The following IL13RA1 variants were observed in gnomAD, a reference collection of about 807,000 sequenced individuals.
IL13RA1 encodes interleukin 13 receptor subunit alpha 1.
In IL13RA1, 14 loss-of-function variants were observed where a neutral mutation model predicts 33.8. The observed-to-expected ratio is 0.41, with a 90% CI of 0.27 to 0.65. IL13RA1 has a LOEUF of 0.65. IL13RA1 is among the 30% of genes least tolerant of loss of function. The pLI, the probability that IL13RA1 is intolerant of heterozygous loss-of-function variation, is 0.28. For missense variants in IL13RA1, 313 were observed against 327.0 expected (o/e 0.96, Z 0.33); for synonymous variants, 116 against 115.7 (o/e 1.00, Z -0.02).
At chrX:118,803,750 A>G in the IL13RA1 span, among the ~76,000 whole-genome samples, 1 of 111,084 alleles carries the variant, frequency 9.0e-6, no homozygotes, top group African/African-American at 3.3e-5. Context: ...AGGAATGAAT[A>G]CAGCCCTGCT....
At chrX:118,770,371 C>A in intron 8 of IL13RA1, 1 of 372,862 alleles carries the variant, frequency 2.7e-6, no homozygotes. Context: ...CTGCATCACC[C>A]GGTAGACCAA....
rs189230023 is a variant in IL13RA1, at chrX:118,734,828, G to A, written c.89-6189G>A. On this transcript the variant is annotated intron_variant, in intron 1 of 10. Transcript: ENST00000371666. ...TTTGGTATCAGGTAATGCTGGCCTC[G>A]TAGAATGAGTTACGAAGTTTGAGAA... is the stretch of plus-strand genomic sequence containing the variant. 1.3e-3 allele frequency among the ~76,000 whole-genome samples: 142 copies of A among 111,627 alleles called. 1 individual carries two copies. Among genetic ancestry groups the A allele is most frequent in the Admixed American group, 0.011 (116 of 10,528 alleles).
intron 6 of IL13RA1, among the ~76,000 whole-genome samples, chrX:118,764,441 A>G (rs985800383): frequency 9.1e-6 from 1 of 109,932 alleles, no homozygotes; most frequent in African/African-American, 3.3e-5. Context: ...CTACGATTCT[A>G]AATGGCCAGT....
At chrX:118,736,327 T>TTTTTG (rs1422400443) in intron 1 of IL13RA1, among the ~76,000 whole-genome samples, 2 of 111,434 alleles carry the variant, frequency 1.8e-5, no homozygotes, top group Non-Finnish European at 3.8e-5. Context: ...TTTCCTGGTT[T>TTTTTG]TTTTGTTTTG....
chrX:118,755,478 C>T (rs1169725979), intron 4 of IL13RA1, among the ~76,000 whole-genome samples: 1 of 110,649 alleles, frequency 9.0e-6, no homozygotes, highest in Non-Finnish European at 1.9e-5. Flanking sequence ...TGTGACTCTG[C>T]AGATGAATTC....
At chrX:118,743,738 A>C (rs1473627008) in intron 2 of IL13RA1, among the ~76,000 whole-genome samples, 1 of 111,845 alleles carries the variant, frequency 8.9e-6, no homozygotes, top group Non-Finnish European at 1.9e-5. Context: ...ATAAATTTTC[A>C]AAGGGAATCA....
At chrX:118,783,488 A>G (rs1380058406) in intron 10 of IL13RA1, among the ~76,000 whole-genome samples, 1 of 111,728 alleles carries the variant, frequency 9.0e-6, no homozygotes, top group Non-Finnish European at 1.9e-5. Flanking sequence ...ACATGGACAT[A>G]TTCATAGAAG....
intron 3 of IL13RA1, 73 bp from the exon 4 acceptor site, chrX:118,749,585 A>G: frequency 9.8e-7 from 1 of 1,024,020 alleles, no homozygotes; most frequent in South Asian, 2.0e-5. Flanking sequence ...CATCATCCCC[A>G]TGCCAAAGAG....
intron 1 of IL13RA1, among the ~76,000 whole-genome samples, chrX:118,740,719 G>A (rs1394268424): frequency 8.9e-6 from 1 of 112,136 alleles, no homozygotes; most frequent in Non-Finnish European, 1.9e-5. Flanking sequence ...GGAGGCAGAG[G>A]CTGCAGTGAG....
At chrX:118,760,458 C>A (rs1484697759) in intron 5 of IL13RA1, among the ~76,000 whole-genome samples, 1 of 111,694 alleles carries the variant, frequency 9.0e-6, no homozygotes, top group Admixed American at 9.5e-5. Flanking sequence ...CCTTATTACT[C>A]ATCAGGTGGA....
intron 6 of IL13RA1, among the ~76,000 whole-genome samples, chrX:118,764,797 C>G (rs371654595): frequency 5.4e-4 from 60 of 111,823 alleles, no homozygotes; most frequent in African/African-American, 1.9e-3. Flanking sequence ...ATTACACTTT[C>G]TTTTCTCCAA....
Position 118,773,924 on chromosome X carries a change from T to C in IL13RA1, c.1055T>C (p.Val352Ala). Residue 352 changes from valine to alanine, a missense_variant, in exon 9 of 11, where the codon GTT (valine) becomes GCT (alanine). Physicochemically the swap from Val to Ala is moderately conservative, Grantham distance 64. Coordinates refer to ENST00000371666, the MANE Select transcript of IL13RA1 (RefSeq NM_001560.3). Reference sequence around the variant, plus strand: ...CTCTACATAACCATGTTACTCATTGTTCCAGTCATCGTCGCAGGTGCAATC... The same window carrying C: ...CTCTACATAACCATGTTACTCATTGCTCCAGTCATCGTCGCAGGTGCAATC... ...STLYITMLLIVPVIVAGAIIV... is the reference protein window; with the variant it reads ...STLYITMLLIAPVIVAGAIIV... 1.8e-6 allele frequency: 2 copies of C among 1,099,462 alleles called. No homozygotes were observed. The highest frequency in any genetic ancestry group is 2.5e-6 in the Non-Finnish European group (2 of 793,351). 90.6% of individuals were successfully genotyped at this position (1,099,462 alleles called of 1,213,427 possible). A position where few individuals can be genotyped will look rare whatever the true frequency, so the allele number is the denominator to read the frequency against.
chrX:118,750,274 C>T (rs1381267059), intron 4 of IL13RA1, among the ~76,000 whole-genome samples: 1 of 111,032 alleles, frequency 9.0e-6, no homozygotes, highest in Non-Finnish European at 1.9e-5. Flanking sequence ...CACCCCTCTC[C>T]CCCAATCCTC....
At chrX:118,800,578 C>T in the IL13RA1 span, among the ~76,000 whole-genome samples, 3 of 110,825 alleles carry the variant, frequency 2.7e-5, no homozygotes, top group South Asian at 7.8e-4. Context: ...GACGCGCCAC[C>T]TTAAGAGCTG....
chrX:118,736,144 A>G (rs1485212312), intron 1 of IL13RA1, among the ~76,000 whole-genome samples: 1 of 110,612 alleles, frequency 9.0e-6, no homozygotes, highest in Non-Finnish European at 1.9e-5. Context: ...CTATCTCTTT[A>G]TTGGTATTTT....
At chrX:118,758,328 C>A (rs2997048) in intron 5 of IL13RA1, 86 bp downstream of exon 5, 1 of 441,575 alleles carries the variant, frequency 2.3e-6, no homozygotes, top group South Asian at 6.2e-5. Context: ...AAAAAATGAT[C>A]ATTCTGGGTT....
At chrX:118,754,561 C>T (rs962249529) in intron 4 of IL13RA1, among the ~76,000 whole-genome samples, 8 of 109,423 alleles carry the variant, frequency 7.3e-5, no homozygotes, top group South Asian at 4.0e-4. Context: ...GGTGTGAACC[C>T]GGGAGGCGGA....
At chrX:118,758,303 A>G (rs572375074) in intron 5 of IL13RA1, 61 bp downstream of exon 5, 3 of 476,531 alleles carry the variant, frequency 6.3e-6, no homozygotes, top group South Asian at 1.2e-4. Flanking sequence ...CTTTTGCACA[A>G]TCAATACAAA....
intron 10 of IL13RA1, among the ~76,000 whole-genome samples, chrX:118,784,809 CT>C (rs2017898008): frequency 8.9e-6 from 1 of 111,904 alleles, no homozygotes; most frequent in African/African-American, 3.2e-5. Flanking sequence ...CGTTGCGTAT[CT>C]TAAATGTGTC....
Sources: allele counts gnomAD v4.1 joint callset (sites outside exome capture counted in the v4.1 genomes callset), GRCh38; gene constraint gnomAD v4.1.1; transcripts MANE v1.5; gene names NCBI Gene and HGNC (gene_info 2026-07-23, HGNC 2026-07-21).